Variants in ADRA1A observed in about 807,000 individuals in gnomAD.
ADRA1A encodes the protein alpha-1A adrenergic receptor.
ADRA1A carries 31 observed loss-of-function variants against 29.6 expected under a neutral mutation model. The observed-to-expected ratio is 1.05, with a 90% CI of 0.79 to 1.41. The LOEUF (loss-of-function observed/expected upper bound fraction) is 1.41. ADRA1A is among the 40% of genes most tolerant of loss of function. The pLI is 0.00. For synonymous variants in ADRA1A, 311 were observed against 254.3 expected, an observed-to-expected ratio of 1.22 and a Z score of -2.12; for missense variants, 619 against 601.1, an observed-to-expected ratio of 1.03 and a Z score of -0.31.
chr8:26,778,276 G>T (rs1176565582), intron 2 of ADRA1A, among the ~76,000 whole-genome samples: 2 of 152,116 alleles, frequency 1.3e-5, no homozygotes, highest in Non-Finnish European at 1.5e-5. Flanking sequence ...CTCCCTAGAA[G>T]ACCTCCTTGT....
chr8:26,752,994 C>T (rs931504976), downstream of ADRA1A, among the ~76,000 whole-genome samples: 5 of 152,132 alleles, frequency 3.3e-5, no homozygotes, highest in South Asian at 2.1e-4. Context: ...TTCTAAGTGG[C>T]GAGTGGTTGA....
chr8:26,786,162 C>A (rs184791918), intron 2 of ADRA1A, among the ~76,000 whole-genome samples: 1 of 152,194 alleles, frequency 6.6e-6, no homozygotes, highest in African/African-American at 2.4e-5. Context: ...TCTTGCCTTC[C>A]GCTCCTGGCC....
intron 2 of ADRA1A, among the ~76,000 whole-genome samples, chr8:26,809,256 C>T (rs147739751): frequency 1.5e-3 from 230 of 152,318 alleles, no homozygotes; most frequent in African/African-American, 5.3e-3. Context: ...TTATGCCATT[C>T]TCTCTGCCTA....
intron 2 of ADRA1A, among the ~76,000 whole-genome samples, chr8:26,862,498 A>T (rs1172135387): frequency 1.3e-5 from 2 of 152,190 alleles, no homozygotes; most frequent in East Asian, 3.8e-4. Context: ...TGCCCTGTTC[A>T]TCCAAAGTGC....
chr8:26,824,359 G>A (rs1810394400), intron 2 of ADRA1A, among the ~76,000 whole-genome samples: 1 of 152,030 alleles, frequency 6.6e-6, no homozygotes, highest in African/African-American at 2.4e-5. Context: ...CTCCGTGTCA[G>A]CCCTGTTGCA....
At chr8:26,840,998 C>A (rs499042) in intron 2 of ADRA1A, among the ~76,000 whole-genome samples, 101,979 of 152,012 alleles carry the variant, frequency 0.67, 34,644 homozygotes, top group African/African-American at 0.76. Flanking sequence ...TGGGTGAAGA[C>A]TACAGAGGAC....
chr8:26,771,249 G>A (rs1411581554), intron 2 of ADRA1A, among the ~76,000 whole-genome samples: 3 of 152,170 alleles, frequency 2.0e-5, no homozygotes, highest in African/African-American at 7.2e-5. Flanking sequence ...GTCTTTTGAT[G>A]TCACCGTTAG....
At position 26,821,531 on chromosome 8, in the gene ADRA1A, A is replaced by G. The variant is rs1810171433; in HGVS notation, c.883+42556T>C. 6.6e-6 allele frequency among the ~76,000 whole-genome samples: 1 copy of G among 152,180 alleles called. No homozygotes were observed. The highest frequency in any genetic ancestry group is 2.4e-5 in the African/African-American group (1 of 41,442). On this transcript the variant is annotated intron_variant, in intron 2 of 2. Transcript: ENST00000380573. The surrounding 1 kb of genome is among the most constrained non-coding windows in gnomAD (Gnocchi z 5.6). Reference sequence around the variant, plus strand: ...CTCCCTGATCCAATCACCTCCCACCAGGCCCCACCTCCAACATTGGGAATC... The same window carrying G: ...CTCCCTGATCCAATCACCTCCCACCGGGCCCCACCTCCAACATTGGGAATC...
At chr8:26,863,687 A>G (rs964753568) in intron 2 of ADRA1A, among the ~76,000 whole-genome samples, 3 of 152,188 alleles carry the variant, frequency 2.0e-5, no homozygotes, top group Admixed American at 1.3e-4. Context: ...AGGCCAAGAG[A>G]ATTTGCATTC....
rs536248560 is a variant in ADRA1A at position 26,811,503 on chromosome 8, G to T, written c.884-40837C>A. Among the ~76,000 whole-genome samples, 5 of 152,278 alleles carry T rather than the reference G, an allele frequency of 3.3e-5. No homozygotes were observed. The South Asian group carries it at 8.3e-4, about 25-fold the overall frequency. On this transcript the variant is annotated intron_variant, in intron 2 of 2. Transcript: ENST00000380573. Reference sequence around the variant, plus strand: ...CACCGCGTCTGGCCCTCACTGTCTAGCTTTCTAAAGACAAACTGGTATTTA... The same window carrying T: ...CACCGCGTCTGGCCCTCACTGTCTATCTTTCTAAAGACAAACTGGTATTTA...
intron 2 of ADRA1A, among the ~76,000 whole-genome samples, chr8:26,849,604 C>G (rs552700102): frequency 1.3e-5 from 2 of 152,288 alleles, no homozygotes; most frequent in East Asian, 3.9e-4. Flanking sequence ...TAATCTGGAT[C>G]TGAAAGATTT....
At chr8:26,816,385 G>A (rs13257637) in intron 2 of ADRA1A, among the ~76,000 whole-genome samples, 45,964 of 152,066 alleles carry the variant, frequency 0.3, 7,538 homozygotes, top group South Asian at 0.44. Context: ...CAAGGATGCA[G>A]TGCCTGCCAA....
intron 2 of ADRA1A, among the ~76,000 whole-genome samples, chr8:26,861,709 CTT>C (rs1169791312): frequency 2.6e-5 from 4 of 152,180 alleles, no homozygotes; most frequent in Admixed American, 1.3e-4. Context: ...CCACATAACT[CTT>C]TGGTTTTGCC....
At chr8:26,829,598 C>T (rs1317821047) in intron 2 of ADRA1A, among the ~76,000 whole-genome samples, 2 of 151,950 alleles carry the variant, frequency 1.3e-5, no homozygotes, top group Non-Finnish European at 2.9e-5. Context: ...AGTGAATAGT[C>T]GGTAATATGA....
At chr8:26,844,577 T>G (rs188167616) in intron 2 of ADRA1A, among the ~76,000 whole-genome samples, 1 of 152,180 alleles carries the variant, frequency 6.6e-6, no homozygotes, top group Admixed American at 6.5e-5. Flanking sequence ...ATGAACTCAT[T>G]TATCTATGAT....
In ADRA1A at chr8:26,775,961, G is replaced by A. The variant is rs191547939; in HGVS notation, c.884-5295C>T. ...TTTCCACTGAATGCTATATCCATTG[G>A]GAAAATCTGACTTCATTTTTGAACT... On this transcript the variant is annotated intron_variant, in intron 2 of 2. Transcript: ENST00000380573. The surrounding 1 kb of genome is among the most constrained non-coding windows in gnomAD (Gnocchi z 4.1). 9.9e-5 allele frequency among the ~76,000 whole-genome samples: 15 copies of A among 152,242 alleles called. No homozygotes were observed. The highest frequency in any genetic ancestry group is 3.6e-4 in the African/African-American group (15 of 41,540).
intron 2 of ADRA1A, among the ~76,000 whole-genome samples, chr8:26,845,488 T>C (rs1256539657): frequency 1.3e-5 from 2 of 152,212 alleles, no homozygotes; most frequent in African/African-American, 2.4e-5. Flanking sequence ...CTGGTGGGTA[T>C]GTAAACTGGG....
intron 2 of ADRA1A, among the ~76,000 whole-genome samples, chr8:26,760,334 T>G (rs942266864): frequency 6.6e-6 from 1 of 152,198 alleles, no homozygotes. Context: ...CGTCTCATTG[T>G]GCTCATGAAG....
chr8:26,828,586 A>C (rs1810754939), intron 2 of ADRA1A, among the ~76,000 whole-genome samples: 1 of 152,244 alleles, frequency 6.6e-6, no homozygotes, highest in Admixed American at 6.5e-5. Context: ...GCAGAGGCAC[A>C]GGTCTGTGAT....
Sources: gnomAD v4.1 joint callset for allele counts (sites outside exome capture counted in the v4.1 genomes callset) on GRCh38, gnomAD v4.1.1 for gene constraint, Gnocchi (gnomAD v3.1) non-coding constraint, MANE v1.5 for transcripts, NCBI Gene and HGNC (gene_info 2026-07-23, HGNC 2026-07-21) for gene names.